HCFC1: variants seen among roughly 807,000 people sequenced by gnomAD.
HCFC1 encodes host cell factor 1.
A neutral mutation model predicts 105.5 loss-of-function variants in HCFC1; 7 were observed. The observed-to-expected ratio is 0.07, with a 90% CI of 0.04 to 0.12. The LOEUF (loss-of-function observed/expected upper bound fraction) is 0.12, where lower values mean the gene tolerates loss of function less well. Ranked by LOEUF, HCFC1 falls within the 10% of genes least tolerant of loss-of-function variation. HCFC1 has a pLI of 1.00. For missense variants in HCFC1, 1,065 were observed against 1,823.6 expected (o/e 0.58, Z 7.58); for synonymous variants, 918 against 828.1 (o/e 1.11, Z -1.86).
Position 153,959,503 on chromosome X carries a change from A to G in HCFC1, c.1445-12T>C, listed in dbSNP as rs781980993. ...AACAGCAGGGACACCTGATGAGAGA[A>G]GGGGCCAGCCGTCAGCCATCACCTT... On this transcript the variant is annotated splice_polypyrimidine_tract_variant and intron_variant, in intron 8 of 25. Coordinates refer to ENST00000310441, the MANE Select transcript of HCFC1 (RefSeq NM_005334.3). 8.3e-7 allele frequency: 1 copy of G among 1,210,461 alleles called. No individual in the cohort carries two copies.
intron 12 of HCFC1, 90 bp downstream of exon 12, chrX:153,957,692 G>A (rs993656126): frequency 8.8e-6 from 7 of 795,990 alleles, no homozygotes; most frequent in Non-Finnish European, 1.3e-5. Flanking sequence ...GTGTGCTCAT[G>A]GGATCTTCCA....
intron 6 of HCFC1, 23 bp downstream of exon 6, chrX:153,961,519 C>T (rs1266311094): frequency 1.8e-6 from 2 of 1,119,462 alleles, no homozygotes; most frequent in African/African-American, 1.8e-5. Flanking sequence ...CCACAGGCCA[C>T]TCGGAGCCCG....
At chrX:153,953,812 C>T (rs781791547) in intron 17 of HCFC1, 42 bp from the exon 18 acceptor site, 1 of 1,157,666 alleles carries the variant, frequency 8.6e-7, no homozygotes, top group Non-Finnish European at 1.2e-6. Flanking sequence ...CAGGAGCCCC[C>T]CCGGCCTGTA....
At position 153,948,990 on chromosome X, in the gene HCFC1, GCC is replaced by G. The variant is rs1391499913; in HGVS notation, c.*355_*356del. ...GACGCCTTTCCTCCCCTCCATGCCT[GCC>G]CCCGACCTGGCCCTCAGGAACGCAC... On this transcript the variant is annotated 3_prime_UTR_variant, in exon 26 of 26. Coordinates refer to ENST00000310441, the MANE Select transcript of HCFC1 (RefSeq NM_005334.3). 2 of 135,173 alleles carry G rather than the reference GCC, an allele frequency of 1.5e-5. No individual in the cohort carries two copies. Among genetic ancestry groups the G allele is most frequent in the Non-Finnish European group, 2.8e-5 (2 of 71,707 alleles). The allele number at this position is 135,173 out of a possible 1,213,427, so 11.1% of individuals were successfully genotyped here. A position where few individuals can be genotyped will look rare whatever the true frequency, so the allele number is the denominator to read the frequency against.
Position 153,952,821 on chromosome X carries a change from G to A in HCFC1, c.4635C>T (p.Ala1545=). The stretch of plus-strand genomic sequence containing the variant: ...CCCCTGTGCTGCTCAGATCCACGGC[G>A]GCCGGGAGCTCAGGGGTCTGGGAGG... ...LSASQTPELP[A]AVDLSSTGEP... is the part of the protein sequence containing the mutation. The change falls in exon 19 of 26, where the codon GCC becomes GCT. Residue 1545 remains alanine (A), a synonymous_variant. Coordinates refer to ENST00000310441, the MANE Select transcript of HCFC1 (RefSeq NM_005334.3). The A allele has an allele frequency of 2.5e-6, 3 of 1,197,359 alleles. No individual in the cohort carries two copies. The highest frequency in any genetic ancestry group is 1.8e-5 in the South Asian group (1 of 55,492).
In HCFC1 at chrX:153,959,936, A is replaced by G; in HGVS notation, c.1310T>C (p.Val437Ala). 1 of 1,210,446 alleles carries G rather than the reference A, an allele frequency of 8.3e-7. No individual in the cohort carries two copies. Among genetic ancestry groups the G allele is most frequent in the Non-Finnish European group, 1.1e-6 (1 of 894,785 alleles). Reference sequence around the variant, plus strand: ...GATGCCTACTTGGGTCAGCGGCTGCACAGCAGGTGCGGCTGCTGCTGGGGC... The same window carrying G: ...GATGCCTACTTGGGTCAGCGGCTGCGCAGCAGGTGCGGCTGCTGCTGGGGC... ...SPAPAAAAPA[V>A]QPLTQVGITL... The change falls in exon 8 of 26, where the codon GTG becomes GCG. Residue 437 changes from valine (V) to alanine (A), a missense_variant. By Grantham distance (64) the Val-to-Ala change is moderately conservative. Around this residue, in one of 17 missense-constraint regions of HCFC1, gnomAD observed 101 missense variants for 155.1 expected, o/e 0.65. Transcript: ENST00000310441.
intron 1 of HCFC1, 83 bp from the exon 2 acceptor site, chrX:153,964,809 TGGTGAGAG>T (rs1757987263): frequency 1.0e-6 from 1 of 1,004,467 alleles, no homozygotes; most frequent in African/African-American, 2.0e-5. Context: ...CCGTCAAGCT[TGGTGAGAG>T]GGGCTGAGCC....
rs781938666 is a variant in HCFC1, at chrX:153,959,487, G to A, written c.1449C>T (p.Val483=). The change falls in exon 9 of 26, where the codon GTC becomes GTT. Residue 483 remains valine (V), a synonymous_variant. Coordinates refer to ENST00000310441, the MANE Select transcript of HCFC1 (RefSeq NM_005334.3). ...SVPTAARTQG[V]PAVLKVTGPQ... The stretch of plus-strand genomic sequence containing the variant: ...GACCGGTCACTTTGAGAACAGCAGG[G>A]ACACCTGATGAGAGAAGGGGCCAGC... The A allele has an allele frequency of 1.7e-6, 2 of 1,209,773 alleles. No homozygotes were observed. The highest frequency in any genetic ancestry group is 2.2e-5 in the Admixed American group (1 of 45,697).
chrX:153,952,197 G>C, intron 19 of HCFC1, 39 bp from the exon 20 acceptor site: 1 of 1,084,939 alleles, frequency 9.2e-7, no homozygotes. Flanking sequence ...TACTAGGAAG[G>C]CTGGCCAGAA....
intron 1 of HCFC1, among the ~76,000 whole-genome samples, chrX:153,966,566 C>T (rs2065475609): frequency 8.9e-6 from 1 of 112,764 alleles, no homozygotes; most frequent in African/African-American, 3.2e-5. Context: ...GCCGTCCTGA[C>T]CAATCCCTGG....
chrX:153,952,061 G>T lies in HCFC1; in HGVS notation c.5040C>A (p.Thr1680=). The T allele has an allele frequency of 8.5e-7, 1 of 1,182,726 alleles. No homozygotes were observed. Among genetic ancestry groups the T allele is most frequent in the East Asian group, 3.1e-5 (1 of 32,582 alleles). ...GCTGTGTCAGCACAATGGGTATGGT[G>T]GTGGCCTGGCCCTCCTGACCCTCGG... ...LSAEGQEGQA[T]TIPIVLTQQE... is the part of the protein sequence containing the mutation. Residue 1680 remains threonine, a synonymous_variant, in exon 20 of 26, where the codon ACC becomes ACA. Transcript: ENST00000310441.
intron 2 of HCFC1, 124 bp from the exon 3 acceptor site, chrX:153,964,408 G>C: frequency 2.3e-6 from 2 of 875,950 alleles, no homozygotes; most frequent in Non-Finnish European, 3.2e-6. Context: ...GGAGCAAGAA[G>C]GTCCTGGGTG....
Position 153,971,623 on chromosome X carries a change from C to G in HCFC1, c.-783G>C, listed in dbSNP as rs191461798. 2 of 293,777 alleles carry G rather than the reference C, an allele frequency of 6.8e-6. No homozygotes were observed. The highest frequency in any genetic ancestry group is 4.3e-4 in the South Asian group (2 of 4,667). 24.2% of individuals were successfully genotyped at this position (293,777 alleles called of 1,213,427 possible). On this transcript the variant is annotated 5_prime_UTR_variant, in exon 1 of 26. Coordinates refer to ENST00000310441, the MANE Select transcript of HCFC1 (RefSeq NM_005334.3). ...CTAGCTCCCCGTTCCCCCCTATTCTCTTCCTCCTAGGTCAGTTCTTCCACT... is the reference window on the plus strand; with the variant it reads ...CTAGCTCCCCGTTCCCCCCTATTCTGTTCCTCCTAGGTCAGTTCTTCCACT...
intron 1 of HCFC1, among the ~76,000 whole-genome samples, chrX:153,965,986 T>C (rs1220320171): frequency 9.0e-6 from 1 of 111,703 alleles, no homozygotes; most frequent in Non-Finnish European, 1.9e-5. Context: ...TGTGCAAGGC[T>C]AGCCCTTATC....
rs1557116426 is a variant in HCFC1 at position 153,960,226 on chromosome X, C to T, written c.1084+9G>A. The T allele has an allele frequency of 6.7e-6, 8 of 1,186,094 alleles. No individual in the cohort carries two copies. The highest frequency in any genetic ancestry group is 1.8e-5 in the African/African-American group (1 of 56,694). On this transcript the variant is annotated intron_variant, in intron 7 of 25. Transcript: ENST00000310441. The stretch of plus-strand genomic sequence containing the variant: ...ATGGGAGGAGGGGAGTCGGCTGGGC[C>T]GGGCCTACCTGTCTCTAGGTACCAG...
chrX:153,962,199 G>A (rs782781177), intron 5 of HCFC1, 23 bp downstream of exon 5: 2 of 1,162,847 alleles, frequency 1.7e-6, no homozygotes, highest in Admixed American at 2.2e-5. Flanking sequence ...AGAGAAGAGA[G>A]ACGCAGGTGA....
In HCFC1 at chrX:153,960,124, G is replaced by T; in HGVS notation, c.1122C>A (p.Arg374=). The T allele has an allele frequency of 2.5e-6, 3 of 1,211,020 alleles. No individual in the cohort carries two copies. ...PPPPARVQLV[R]ANTNSLEVSW... is the part of the protein sequence containing the mutation. ...TCACCTCCAGGGAGTTGGTGTTGGCGCGTACCAGTTGTACTCGGGCTGGGG... is the reference window on the plus strand; with the variant it reads ...TCACCTCCAGGGAGTTGGTGTTGGCTCGTACCAGTTGTACTCGGGCTGGGG... The change falls in exon 8 of 26, where the codon CGC becomes CGA. Residue 374 remains arginine (R), a synonymous_variant. Transcript: ENST00000310441.
In HCFC1 at chrX:153,954,552, C is replaced by G. The variant is rs2065352014; in HGVS notation, c.3847G>C (p.Ala1283Pro). The change falls in exon 17 of 26, where the codon GCC (alanine) becomes CCC (proline). Residue 1283 changes from alanine (A) to proline (P), a missense_variant. Transcript: ENST00000310441. ...TTGGAGCAGACTTGGGTCACGGTGGCCGAGGGGCACAGCAGTGCCTCCAGG... is the reference window on the plus strand; with the variant it reads ...TTGGAGCAGACTTGGGTCACGGTGGGCGAGGGGCACAGCAGTGCCTCCAGG... ...TALEALLCPS[A>P]TVTQVCSNPP... The G allele has an allele frequency of 2.5e-6, 3 of 1,209,721 alleles. No homozygotes were observed. Among genetic ancestry groups the G allele is most frequent in the African/African-American group, 1.7e-5 (1 of 57,165 alleles).
In HCFC1 at chrX:153,949,002, GC is replaced by G; in HGVS notation, c.*344del. ...CCCCTCCATGCCTGCCCCCGACCTG[GC>G]CCTCAGGAACGCACAGCCTTGGGAG... On this transcript the variant is annotated 3_prime_UTR_variant, in exon 26 of 26. Coordinates refer to ENST00000310441, the MANE Select transcript of HCFC1 (RefSeq NM_005334.3). 7.0e-6 allele frequency: 1 copy of G among 142,672 alleles called. No individual in the cohort carries two copies. The highest frequency in any genetic ancestry group is 2.3e-4 in the East Asian group (1 of 4,280). The allele number at this position is 142,672 out of a possible 1,213,427, so 11.8% of individuals were successfully genotyped here. A position where few individuals can be genotyped will look rare whatever the true frequency, so the allele number is the denominator to read the frequency against.
Sources: gnomAD v4.1 joint callset for allele counts (sites outside exome capture counted in the v4.1 genomes callset) on GRCh38, gnomAD v4.1.1 for gene constraint, gnomAD v4.1.1 regional missense constraint, MANE v1.5 for transcripts, NCBI Gene and HGNC (gene_info 2026-07-23, HGNC 2026-07-21) for gene names.